Variants in HPSE2 observed in about 807,000 individuals in gnomAD.
HPSE2 encodes inactive heparanase-2.
HPSE2 carries 38 observed loss-of-function variants against 60.5 expected under a neutral mutation model. The ratio of observed to expected loss-of-function variants is 0.63; its 90% CI spans 0.48 to 0.82. The LOEUF is 0.82. Among genes scored for constraint, HPSE2 ranks in the 40% least tolerant of loss-of-function variants. The pLI is 0.00. For synonymous variants in HPSE2, 295 were observed against 293.2 expected, an observed-to-expected ratio of 1.01 and a Z score of -0.06; for missense variants, 713 against 740.4, an observed-to-expected ratio of 0.96 and a Z score of 0.43.
chr10:98,502,107 A>T (rs1366817306), intron 9 of HPSE2, among the ~76,000 whole-genome samples: 2 of 152,250 alleles, frequency 1.3e-5, no homozygotes, highest in Non-Finnish European at 2.9e-5. Flanking sequence ...AATATTGTGA[A>T]AATGACCATA....
Position 98,978,751 on chromosome 10 carries a change from A to G in HPSE2, c.610+165487T>C, listed in dbSNP as rs59409919. Among the ~76,000 whole-genome samples the G allele has an allele frequency of 8.3e-3, 1,270 of 152,320 alleles. 17 individuals carry two copies. Among genetic ancestry groups the G allele is most frequent in the African/African-American group, 0.029 (1,218 of 41,586 alleles). ...AGTCCTGAAAATTGCAATGCATACAAAACTGTGGTTTGCAATAAATCTAAT... is the reference window on the plus strand; with the variant it reads ...AGTCCTGAAAATTGCAATGCATACAGAACTGTGGTTTGCAATAAATCTAAT... On this transcript the variant is annotated intron_variant, in intron 3 of 11. Coordinates refer to ENST00000370552, the MANE Select transcript of HPSE2 (RefSeq NM_021828.5).
chr10:98,991,645 T>C (rs1956526835), intron 3 of HPSE2, among the ~76,000 whole-genome samples: 1 of 152,026 alleles, frequency 6.6e-6, no homozygotes, highest in Non-Finnish European at 1.5e-5. Flanking sequence ...AACTTAGGTT[T>C]AAAAGGATCC....
intron 3 of HPSE2, among the ~76,000 whole-genome samples, chr10:99,033,444 C>G (rs1352025547): frequency 6.6e-6 from 1 of 151,948 alleles, no homozygotes; most frequent in Non-Finnish European, 1.5e-5. Context: ...ACACACAAAT[C>G]AAAACAATGA....
chr10:99,010,447 T>C (rs148032632), intron 3 of HPSE2, among the ~76,000 whole-genome samples: 2 of 152,292 alleles, frequency 1.3e-5, no homozygotes, highest in African/African-American at 2.4e-5. Flanking sequence ...TTGACTCCTA[T>C]TGATTCCAGA....
intron 3 of HPSE2, among the ~76,000 whole-genome samples, chr10:98,871,001 C>G (rs573558514): frequency 6.6e-6 from 1 of 151,650 alleles, no homozygotes; most frequent in South Asian, 2.1e-4. Flanking sequence ...TCTCTCACCA[C>G]GGGACGCACT....
chr10:99,029,999 G>A (rs549544496), intron 3 of HPSE2, among the ~76,000 whole-genome samples: 2 of 152,324 alleles, frequency 1.3e-5, no homozygotes, highest in South Asian at 4.1e-4. Context: ...CTAGACCAAG[G>A]AGCCCTTCTG....
chr10:98,813,191 C>T (rs772319343), intron 3 of HPSE2, among the ~76,000 whole-genome samples: 3 of 152,138 alleles, frequency 2.0e-5, no homozygotes, highest in Admixed American at 2.0e-4. Context: ...TCTTACCAAG[C>T]GTTAAACAAC....
intron 3 of HPSE2, among the ~76,000 whole-genome samples, chr10:98,834,745 T>G (rs1355290853): frequency 2.0e-5 from 3 of 152,152 alleles, no homozygotes; most frequent in Non-Finnish European, 4.4e-5. Context: ...CTTCATATAC[T>G]TCAAATAAAA....
Position 98,629,571 on chromosome 10 carries a change from C to T in HPSE2, c.1099-8863G>A, listed in dbSNP as rs1946306532. Among the ~76,000 whole-genome samples, 4 of 152,182 alleles carry T rather than the reference C, an allele frequency of 2.6e-5. No homozygotes were observed. The South Asian group carries it at 8.3e-4, about 32-fold the overall frequency. ...AGGATATTGACTCTGTCCTCTTCTTCCTCACTGCCCCTCCCTGAGTTCTGG... is the reference window on the plus strand; with the variant it reads ...AGGATATTGACTCTGTCCTCTTCTTTCTCACTGCCCCTCCCTGAGTTCTGG... On this transcript the variant is annotated intron_variant, in intron 7 of 11. Coordinates refer to ENST00000370552, the MANE Select transcript of HPSE2 (RefSeq NM_021828.5).
chr10:98,628,204 G>A (rs1019631012), intron 7 of HPSE2, among the ~76,000 whole-genome samples: 44 of 152,292 alleles, frequency 2.9e-4, no homozygotes, highest in African/African-American at 1.0e-3. Context: ...TATCTTCCAT[G>A]AGCAGAGAAG....
chr10:99,076,049 T>C (rs1041479142), intron 3 of HPSE2, among the ~76,000 whole-genome samples: 1 of 152,166 alleles, frequency 6.6e-6, no homozygotes, highest in Non-Finnish European at 1.5e-5. Context: ...GGACCATTTT[T>C]TTCATAGGTT....
chr10:99,190,755 T>TA (rs1848192444), intron 2 of HPSE2, among the ~76,000 whole-genome samples: 1 of 152,080 alleles, frequency 6.6e-6, no homozygotes, highest in African/African-American at 2.4e-5. Context: ...AGCACCTTTA[T>TA]AAAAATAAAA....
At chr10:98,747,356 A>G (rs1949654681) in intron 3 of HPSE2, among the ~76,000 whole-genome samples, 1 of 152,202 alleles carries the variant, frequency 6.6e-6, no homozygotes. Context: ...GATTCCATTT[A>G]AGTCATCTTT....
At chr10:99,199,173 T>A (rs1848495907) in intron 2 of HPSE2, among the ~76,000 whole-genome samples, 1 of 152,132 alleles carries the variant, frequency 6.6e-6, no homozygotes, top group African/African-American at 2.4e-5. Context: ...CTCTTTGAGA[T>A]TTTAATTTCA....
chr10:99,238,571 T>C (rs1258001991), upstream of HPSE2, among the ~76,000 whole-genome samples: 2 of 152,196 alleles, frequency 1.3e-5, no homozygotes, highest in Non-Finnish European at 2.9e-5. Context: ...AAATAACTGA[T>C]ATTTAAGAGG....
intron 2 of HPSE2, among the ~76,000 whole-genome samples, chr10:99,149,196 A>G (rs1846169054): frequency 1.3e-5 from 2 of 152,258 alleles, no homozygotes; most frequent in East Asian, 3.9e-4. Context: ...GTTCAGTTCC[A>G]CGTGAGAAAA....
chr10:99,263,762 G>A, the HPSE2 span, among the ~76,000 whole-genome samples: 3 of 151,906 alleles, frequency 2.0e-5, no homozygotes, highest in Non-Finnish European at 4.4e-5. Context: ...CAGCCTCACA[G>A]GCTCATTCTA....
intron 3 of HPSE2, among the ~76,000 whole-genome samples, chr10:98,940,930 T>G (rs1275687920): frequency 7.7e-6 from 1 of 129,258 alleles, no homozygotes; most frequent in South Asian, 2.3e-4. Flanking sequence ...TGGTTCAATA[T>G]ACACAAATCA....
rs12415193 is a variant in HPSE2, at chr10:98,908,661, C to A, written c.611-164605G>T. Among the ~76,000 whole-genome samples, 3 of 104,806 alleles carry A rather than the reference C, an allele frequency of 2.9e-5. No homozygotes were observed. The East Asian group carries it at 8.8e-4, about 31-fold the overall frequency. 68.8% of individuals were successfully genotyped at this position (104,806 alleles called of 152,430 possible). ...TCGTGCCGTTGCACTCCAGCCCAGG[C>A]AACAAGAGCGTAGCTCCATCTCAAA... On this transcript the variant is annotated intron_variant, in intron 3 of 11. Transcript: ENST00000370552.
Sources: gnomAD v4.1 joint callset for allele counts (sites outside exome capture counted in the v4.1 genomes callset) on GRCh38, gnomAD v4.1.1 for gene constraint, MANE v1.5 for transcripts, NCBI Gene and HGNC (gene_info 2026-07-23, HGNC 2026-07-21) for gene names.